SDAD1: variants seen among roughly 807,000 people sequenced by gnomAD.
SDAD1 encodes the protein protein SDA1 homolog.
In SDAD1, 79 loss-of-function variants were observed where a neutral mutation model predicts 100.3. The observed-to-expected ratio is 0.79, with a 90% CI of 0.66 to 0.95. The LOEUF (loss-of-function observed/expected upper bound fraction) is 0.95. SDAD1 is among the 40% of genes least tolerant of loss of function. The probability of loss-of-function intolerance (pLI) is 0.00; values close to 1 mark genes in which losing one functional copy is unlikely to be tolerated. For synonymous variants in SDAD1, 267 were observed against 271.4 expected (o/e 0.98, Z 0.16); for missense variants, 790 against 810.9 (o/e 0.97, Z 0.31).
chr4:75,978,609 C>T (rs1730292584), intron 3 of SDAD1, among the ~76,000 whole-genome samples: 1 of 151,960 alleles, frequency 6.6e-6, no homozygotes, highest in South Asian at 2.1e-4. Flanking sequence ...TAGTTGATTC[C>T]AAGTCTTGGG....
At chr4:75,962,048 C>T (rs1033567492) in intron 14 of SDAD1, among the ~76,000 whole-genome samples, 13 of 152,312 alleles carry the variant, frequency 8.5e-5, no homozygotes, top group African/African-American at 2.9e-4. Context: ...TCCCTCCCCA[C>T]TACCGCCACC....
intron 17 of SDAD1, among the ~76,000 whole-genome samples, chr4:75,958,344 T>A (rs1169997985): frequency 6.6e-6 from 1 of 152,192 alleles, no homozygotes; most frequent in African/African-American, 2.4e-5. Flanking sequence ...ACTTGTACAT[T>A]TATCCTGGCC....
In SDAD1 at chr4:75,950,650, T is replaced by C; in HGVS notation, c.*100A>G. 1.2e-6 allele frequency: 1 copy of C among 803,558 alleles called. No homozygotes were observed. The highest frequency in any genetic ancestry group is 2.2e-5 in the Admixed American group (1 of 45,018). 49.8% of individuals were successfully genotyped at this position (803,558 alleles called of 1,614,324 possible). ...TCAGCAGTTTTCACAATACAGTGTGTCTGGACTTTTTAATGTAAACAAACA... is the reference window on the plus strand; with the variant it reads ...TCAGCAGTTTTCACAATACAGTGTGCCTGGACTTTTTAATGTAAACAAACA... On this transcript the variant is annotated 3_prime_UTR_variant, in exon 22 of 22. Transcript: ENST00000356260.
intron 3 of SDAD1, among the ~76,000 whole-genome samples, chr4:75,978,070 GTCA>G (rs1454534214): frequency 1.8e-4 from 28 of 152,126 alleles, no homozygotes; most frequent in Non-Finnish European, 4.4e-5. Context: ...TCTTTGTAGT[GTCA>G]TCATACGGCA....
chr4:75,988,230 T>C (rs1029595160), intron 1 of SDAD1, among the ~76,000 whole-genome samples: 1 of 152,348 alleles, frequency 6.6e-6, no homozygotes, highest in Non-Finnish European at 1.5e-5. Context: ...GTTCATGTAT[T>C]CTTCTGCTCA....
In SDAD1 at chr4:75,981,351, T is replaced by G. The variant is rs377635661; in HGVS notation, c.294+21A>C. 85 of 1,610,510 alleles carry G rather than the reference T, an allele frequency of 5.3e-5. No individual in the cohort carries two copies. The African/African-American group carries it at 9.9e-4, about 19-fold the overall frequency. ...CACACATGAACACAGCACAATTTAT[T>G]CATCCAACTACTGGTCCTACCATTC... is the stretch of plus-strand genomic sequence containing the variant. On this transcript the variant is annotated intron_variant, in intron 3 of 21. Coordinates refer to ENST00000356260, the MANE Select transcript of SDAD1 (RefSeq NM_018115.4).
intron 12 of SDAD1, among the ~76,000 whole-genome samples, chr4:75,966,771 T>C (rs1729567720): frequency 6.6e-6 from 1 of 152,142 alleles, no homozygotes; most frequent in African/African-American, 2.4e-5. Context: ...GTTGTTGTTT[T>C]CTTTTCTTTT....
intron 14 of SDAD1, among the ~76,000 whole-genome samples, chr4:75,962,321 C>G (rs893068650): frequency 6.6e-6 from 1 of 152,156 alleles, no homozygotes; most frequent in Non-Finnish European, 1.5e-5. Flanking sequence ...GGGTTGGTTC[C>G]AAGTCTTTGC....
At chr4:75,964,353 A>G (rs1729418632) in intron 13 of SDAD1, 142 bp from the exon 14 acceptor site, 1 of 640,808 alleles carries the variant, frequency 1.6e-6, no homozygotes. Flanking sequence ...AATCAAGATT[A>G]AGGAAGACAG....
intron 3 of SDAD1, among the ~76,000 whole-genome samples, chr4:75,978,666 T>C (rs955909494): frequency 4.6e-5 from 7 of 152,062 alleles, no homozygotes; most frequent in Non-Finnish European, 5.9e-5. Flanking sequence ...CTGCCAGAAT[T>C]CAAGGATGCT....
intron 14 of SDAD1, 146 bp from the exon 15 acceptor site, chr4:75,961,454 G>C: frequency 3.3e-6 from 2 of 611,534 alleles, no homozygotes; most frequent in East Asian, 5.7e-5. Context: ...CAGCATGTTA[G>C]AGAATGTCAG....
intron 18 of SDAD1, 22 bp downstream of exon 18, chr4:75,957,824 TA>T: frequency 6.2e-7 from 1 of 1,613,644 alleles, no homozygotes; most frequent in Middle Eastern, 1.7e-4. Flanking sequence ...CACCAGGTTA[TA>T]AGATGAAATT....
intron 11 of SDAD1, among the ~76,000 whole-genome samples, chr4:75,968,408 T>C (rs1429853774): frequency 6.6e-6 from 1 of 152,196 alleles, no homozygotes; most frequent in Non-Finnish European, 1.5e-5. Flanking sequence ...TTTTTTTAAA[T>C]GGATGTTCAG....
At chr4:75,982,777 C>T (rs1189422191) in intron 1 of SDAD1, among the ~76,000 whole-genome samples, 2 of 151,754 alleles carry the variant, frequency 1.3e-5, no homozygotes, top group African/African-American at 4.8e-5. Context: ...CAGTCAAAAT[C>T]CCACCCCCCC....
At chr4:75,955,843 T>C (rs1193862518) in intron 21 of SDAD1, 132 bp downstream of exon 21, 46 of 1,047,514 alleles carry the variant, frequency 4.4e-5, no homozygotes, top group Non-Finnish European at 6.2e-5. Flanking sequence ...TCTCCAACAA[T>C]GCTCTCCAAC....
Position 75,973,411 on chromosome 4 carries a change from A to C in SDAD1, c.637-20T>G, listed in dbSNP as rs780659810. ...TAATATCTAAACACCAATGAGAAAA[A>C]AGTCAGCTACTTGATTCAGCTTAAA... On this transcript the variant is annotated intron_variant, in intron 7 of 21. Transcript: ENST00000356260. 25 of 1,571,812 alleles carry C rather than the reference A, an allele frequency of 1.6e-5. No individual in the cohort carries two copies. Among genetic ancestry groups the C allele is most frequent in the Middle Eastern group, 1.7e-4 (1 of 5,924 alleles).
intron 11 of SDAD1, among the ~76,000 whole-genome samples, chr4:75,967,582 G>C (rs1485391741): frequency 6.6e-6 from 1 of 152,082 alleles, no homozygotes; most frequent in African/African-American, 2.4e-5. Flanking sequence ...ATGAACTAGA[G>C]GAAGGAAAGG....
At chr4:75,959,119 A>C (rs1392623264) in intron 17 of SDAD1, among the ~76,000 whole-genome samples, 15 of 149,962 alleles carry the variant, frequency 1.0e-4, no homozygotes, top group South Asian at 2.1e-4. Context: ...AAAAAAAAAA[A>C]AAAAAAAAAC....
intron 11 of SDAD1, among the ~76,000 whole-genome samples, chr4:75,969,030 C>CAA (rs35570189): frequency 0.011 from 695 of 63,930 alleles, 20 homozygotes; most frequent in African/African-American, 0.033. Context: ...GACTCTGTCT[C>CAA]AAAAAAAAAA....
Sources: gnomAD v4.1 joint callset for allele counts (sites outside exome capture counted in the v4.1 genomes callset) on GRCh38, gnomAD v4.1.1 for gene constraint, MANE v1.5 for transcripts, NCBI Gene and HGNC (gene_info 2026-07-23, HGNC 2026-07-21) for gene names.